The following BMP8A variants were observed in gnomAD, a reference collection of about 807,000 sequenced individuals.
BMP8A encodes the protein bone morphogenetic protein 8a, also known as BMP-8A.
In BMP8A, 14 loss-of-function variants were observed where a neutral mutation model predicts 36.8. The observed-to-expected ratio is 0.38, with a 90% CI of 0.25 to 0.60. BMP8A has a LOEUF of 0.60. BMP8A is among the 20% of genes least tolerant of loss of function. The pLI is 0.63. For missense variants in BMP8A, 267 were observed against 551.1 expected (o/e 0.48, Z 5.16); for synonymous variants, 120 against 237.7 (o/e 0.50, Z 4.55).
At position 39,522,911 on chromosome 1, in the gene BMP8A, G is replaced by C. The variant is rs1645442680; in HGVS notation, c.949-96G>C. 4.1e-6 allele frequency: 5 copies of C among 1,208,762 alleles called. No individual in the cohort carries two copies. The South Asian group carries it at 7.3e-5, about 18-fold the overall frequency. The allele number at this position is 1,208,762 out of a possible 1,614,324, so 74.9% of individuals were successfully genotyped here. A position where few individuals can be genotyped will look rare whatever the true frequency, so the allele number is the denominator to read the frequency against. On this transcript the variant is annotated intron_variant, in intron 5 of 6. Coordinates refer to ENST00000331593, the MANE Select transcript of BMP8A (RefSeq NM_181809.4). ...GTTCCTGGGTGGATTCAAGCCTCTTGGGGGAGACGGCCCTGCAGGGCTGGA... is the reference window on the plus strand; with the variant it reads ...GTTCCTGGGTGGATTCAAGCCTCTTCGGGGAGACGGCCCTGCAGGGCTGGA...
rs1268218444 is a variant in BMP8A, at chr1:39,526,071, A to C, written c.*273A>C. ...ACTGCACTGTCTGGAGTCAGCACAG[A>C]AGTCCTATCTTAGGACCTGTCAGAC... On this transcript the variant is annotated 3_prime_UTR_variant, in exon 7 of 7. Coordinates refer to ENST00000331593, the MANE Select transcript of BMP8A (RefSeq NM_181809.4). 1 of 529,594 alleles carries C rather than the reference A, an allele frequency of 1.9e-6. No individual in the cohort carries two copies. The highest frequency in any genetic ancestry group is 3.3e-5 in the Admixed American group (1 of 30,304). The allele number at this position is 529,594 out of a possible 1,614,324, so 32.8% of individuals were successfully genotyped here.
rs1238762705 is a variant in BMP8A, at chr1:39,499,326, G to T, written c.334+7001G>T. Among the ~76,000 whole-genome samples, 2 of 152,140 alleles carry T rather than the reference G, an allele frequency of 1.3e-5. 1 individual carries two copies. Among genetic ancestry groups the T allele is most frequent in the South Asian group, 4.1e-4 (2 of 4,836 alleles). ...CCGAGGGACAGATGGCAGGGCCAGC[G>T]CAGGGAGGGCCCTGGGACACTCTTC... is the stretch of plus-strand genomic sequence containing the variant. On this transcript the variant is annotated intron_variant, in intron 1 of 6. Transcript: ENST00000331593.
At chr1:39,499,082 C>T (rs937940073) in intron 1 of BMP8A, among the ~76,000 whole-genome samples, 88 of 152,224 alleles carry the variant, frequency 5.8e-4, no homozygotes, top group African/African-American at 2.0e-3. Flanking sequence ...CCACATGGCT[C>T]CATCCCGGCC....
At chr1:39,493,263 A>G (rs1049634933) in intron 1 of BMP8A, among the ~76,000 whole-genome samples, 4 of 152,180 alleles carry the variant, frequency 2.6e-5, no homozygotes, top group African/African-American at 9.7e-5. Context: ...GCCTCCCTCC[A>G]CAGACAGCAT....
In BMP8A at chr1:39,524,348, C is replaced by T. The variant is rs1158659303; in HGVS notation, c.1059+1231C>T. Among the ~76,000 whole-genome samples the T allele has an allele frequency of 6.6e-6, 1 of 152,166 alleles. No individual in the cohort carries two copies. The highest frequency in any genetic ancestry group is 1.5e-5 in the Non-Finnish European group (1 of 68,026). ...CAGGGCAGCAAACAGGCACTGTGCT[C>T]TAGGGGAGGCTGTCGGTGGGCACAG... On this transcript the variant is annotated intron_variant, in intron 6 of 6. Coordinates refer to ENST00000331593, the MANE Select transcript of BMP8A (RefSeq NM_181809.4). This position sits in a 1 kb window ranked among gnomAD's most constrained non-coding sequence, Gnocchi z 4.0.
In BMP8A at chr1:39,529,180, C is replaced by T. The variant is rs1315120009; in HGVS notation, c.*3382C>T. On this transcript the variant is annotated 3_prime_UTR_variant, in exon 7 of 7. Coordinates refer to ENST00000331593, the MANE Select transcript of BMP8A (RefSeq NM_181809.4). Reference sequence around the variant, plus strand: ...CTGCGCAGACCTGTGGAATAAACAGCAATTCTGAGCAGGCTCATTTTAAAG... The same window carrying T: ...CTGCGCAGACCTGTGGAATAAACAGTAATTCTGAGCAGGCTCATTTTAAAG... 6.6e-6 allele frequency: 1 copy of T among 152,218 alleles called. No homozygotes were observed. The highest frequency in any genetic ancestry group is 2.4e-5 in the African/African-American group (1 of 41,450). The allele number at this position is 152,218 out of a possible 1,614,324, so 9.4% of individuals were successfully genotyped here.
chr1:39,494,226 C>A (rs1645185611), intron 1 of BMP8A, among the ~76,000 whole-genome samples: 1 of 152,142 alleles, frequency 6.6e-6, no homozygotes, highest in Non-Finnish European at 1.5e-5. Flanking sequence ...CACGTGAAAC[C>A]CAGAAATGAA....
chr1:39,516,287 G>A (rs1190766529), intron 3 of BMP8A: 7 of 664,390 alleles, frequency 1.1e-5, no homozygotes, highest in Non-Finnish European at 1.3e-5. Context: ...CAAGATCATG[G>A]AGAAATGCAC....
chr1:39,497,755 C>G (rs751567039), intron 1 of BMP8A, among the ~76,000 whole-genome samples: 2 of 151,402 alleles, frequency 1.3e-5, no homozygotes, highest in African/African-American at 2.5e-5. Flanking sequence ...CCCTGCCCCC[C>G]ACCCCGTGGC....
Position 39,491,846 on chromosome 1 carries a change from A to G in BMP8A, c.-146A>G. ...GGCAGGTGCGCGCGGGGGGCGCTCCAGGGACCGCGCTGAGGCCGCAGACGC... is the reference window on the plus strand; with the variant it reads ...GGCAGGTGCGCGCGGGGGGCGCTCCGGGGACCGCGCTGAGGCCGCAGACGC... On this transcript the variant is annotated 5_prime_UTR_variant, in exon 1 of 7. Coordinates refer to ENST00000331593, the MANE Select transcript of BMP8A (RefSeq NM_181809.4). The G allele has an allele frequency of 1.4e-6, 1 of 696,452 alleles. No homozygotes were observed. Among genetic ancestry groups the G allele is most frequent in the Non-Finnish European group, 1.8e-6 (1 of 558,234 alleles). The allele number at this position is 696,452 out of a possible 1,614,324, so 43.1% of individuals were successfully genotyped here. A position where few individuals can be genotyped will look rare whatever the true frequency, so the allele number is the denominator to read the frequency against.
intron 3 of BMP8A, among the ~76,000 whole-genome samples, chr1:39,512,751 G>C (rs2124362282): frequency 6.6e-6 from 1 of 152,330 alleles, no homozygotes; most frequent in East Asian, 1.9e-4. Flanking sequence ...GAAGGAGAAG[G>C]CCACTGAGCC....
intron 1 of BMP8A, among the ~76,000 whole-genome samples, chr1:39,510,862 T>C (rs1645347512): frequency 6.6e-6 from 1 of 152,316 alleles, no homozygotes; most frequent in East Asian, 1.9e-4. Context: ...GTCTCATCTC[T>C]GGGTCCCAGG....
At chr1:39,499,097 A>T (rs1243146809) in intron 1 of BMP8A, among the ~76,000 whole-genome samples, 1 of 152,186 alleles carries the variant, frequency 6.6e-6, no homozygotes, top group Non-Finnish European at 1.5e-5. Flanking sequence ...CCGGCCCTCC[A>T]AGGGCTCGCT....
At position 39,491,697 on chromosome 1, in the gene BMP8A, C is replaced by G. The variant is rs576091026; in HGVS notation, c.-295C>G. On this transcript the variant is annotated 5_prime_UTR_variant, in exon 1 of 7. Coordinates refer to ENST00000331593, the MANE Select transcript of BMP8A (RefSeq NM_181809.4). Reference sequence around the variant, plus strand: ...CCCTGCGCTGCGCGGACCGCAGCCACAGCCGGACTGGTGGGAACGGCGGCG... The same window carrying G: ...CCCTGCGCTGCGCGGACCGCAGCCAGAGCCGGACTGGTGGGAACGGCGGCG... 6.2e-6 allele frequency: 1 copy of G among 160,954 alleles called. No homozygotes were observed. The highest frequency in any genetic ancestry group is 1.3e-5 in the Non-Finnish European group (1 of 74,610). 10.0% of individuals were successfully genotyped at this position (160,954 alleles called of 1,614,324 possible). A position where few individuals can be genotyped will look rare whatever the true frequency, so the allele number is the denominator to read the frequency against.
intron 3 of BMP8A, chr1:39,515,147 C>G (rs1570305856): frequency 6.4e-7 from 1 of 1,552,242 alleles, no homozygotes; most frequent in East Asian, 2.4e-5. Flanking sequence ...TCGGGGGCTT[C>G]GGGCTCTGCG....
intron 1 of BMP8A, among the ~76,000 whole-genome samples, chr1:39,495,283 G>T (rs975624204): frequency 3.3e-5 from 5 of 152,228 alleles, no homozygotes; most frequent in Admixed American, 3.3e-4. Context: ...GGCTCTCGCT[G>T]GCTTCCCACC....
At chr1:39,503,597 C>T (rs1225417538) in intron 1 of BMP8A, among the ~76,000 whole-genome samples, 1 of 145,848 alleles carries the variant, frequency 6.9e-6, no homozygotes. Context: ...TCACTGCAAC[C>T]TCTACCTCCC....
chr1:39,516,807 C>A (rs1030700446), intron 3 of BMP8A, among the ~76,000 whole-genome samples: 3 of 152,020 alleles, frequency 2.0e-5, no homozygotes, highest in African/African-American at 7.3e-5. Context: ...GATTCAAGCG[C>A]CTCCCTCGTA....
At chr1:39,510,332 T>G in intron 1 of BMP8A, among the ~76,000 whole-genome samples, 1 of 121,540 alleles carries the variant, frequency 8.2e-6, no homozygotes, top group Non-Finnish European at 1.7e-5. Flanking sequence ...CAAAGCCAGT[T>G]CAGATGCCAC....
Sources: allele counts gnomAD v4.1 joint callset (sites outside exome capture counted in the v4.1 genomes callset), GRCh38; gene constraint gnomAD v4.1.1; non-coding constraint Gnocchi (gnomAD v3.1); transcripts MANE v1.5; gene names NCBI Gene and HGNC (gene_info 2026-07-23, HGNC 2026-07-21).